Variants in ANO10 observed in about 807,000 individuals in gnomAD.
ANO10 encodes the protein anoctamin-10.
A neutral mutation model predicts 74.7 loss-of-function variants in ANO10; 77 were observed. That is an observed-to-expected ratio of 1.03 (90% CI 0.86 to 1.25). The LOEUF (loss-of-function observed/expected upper bound fraction) is 1.25. Among genes scored for constraint, ANO10 ranks in the 50% most tolerant of loss-of-function variants. The pLI, the probability that ANO10 is intolerant of heterozygous loss-of-function variation, is 0.00. For missense variants in ANO10, 721 were observed against 778.1 expected (o/e 0.93, Z 0.87); for synonymous variants, 279 against 284.9 (o/e 0.98, Z 0.21).
intron 10 of ANO10, among the ~76,000 whole-genome samples, chr3:43,552,373 C>A (rs904195151): frequency 6.6e-6 from 1 of 151,454 alleles, no homozygotes; most frequent in East Asian, 1.9e-4. Flanking sequence ...GGAGCCCATG[C>A]CTACAAAAAA....
chr3:43,469,002 G>A (rs142365936), intron 11 of ANO10, among the ~76,000 whole-genome samples: 7 of 145,212 alleles, frequency 4.8e-5, no homozygotes, highest in Non-Finnish European at 7.5e-5. Context: ...GAGCCACCAC[G>A]CCTGGCTGGA....
At chr3:43,498,922 T>C (rs899088714) in intron 11 of ANO10, among the ~76,000 whole-genome samples, 8 of 152,210 alleles carry the variant, frequency 5.3e-5, no homozygotes, top group Non-Finnish European at 1.0e-4. Flanking sequence ...CATTGTCAAA[T>C]GGTTCTGCAA....
chr3:43,544,512 G>T (rs2079092119), intron 11 of ANO10, among the ~76,000 whole-genome samples: 2 of 152,144 alleles, frequency 1.3e-5, no homozygotes, highest in South Asian at 2.1e-4. Context: ...AAGAATCAGG[G>T]CTGGGTATGG....
At chr3:43,383,758 G>A (rs1269107482) in intron 12 of ANO10, among the ~76,000 whole-genome samples, 1 of 152,086 alleles carries the variant, frequency 6.6e-6, no homozygotes, top group Non-Finnish European at 1.5e-5. Flanking sequence ...AGCAAAATCA[G>A]CATAGAAGGG....
chr3:43,406,014 GA>G (rs923321457), intron 12 of ANO10, among the ~76,000 whole-genome samples: 1 of 152,044 alleles, frequency 6.6e-6, no homozygotes, highest in African/African-American at 2.4e-5. Context: ...AAAGGAAGGG[GA>G]AAAAAAGGAA....
intron 11 of ANO10, among the ~76,000 whole-genome samples, chr3:43,464,757 T>G (rs1218576824): frequency 6.6e-6 from 1 of 152,164 alleles, no homozygotes; most frequent in Non-Finnish European, 1.5e-5. Flanking sequence ...AGAAGAACAA[T>G]GATCCATCAT....
intron 1 of ANO10, among the ~76,000 whole-genome samples, chr3:43,662,029 T>C (rs913197741): frequency 1.3e-5 from 2 of 152,084 alleles, no homozygotes; most frequent in African/African-American, 2.4e-5. Context: ...TATCCAGGAC[T>C]TCAACTCAGA....
At chr3:43,544,630 T>C (rs949993443) in intron 11 of ANO10, among the ~76,000 whole-genome samples, 2 of 151,762 alleles carry the variant, frequency 1.3e-5, no homozygotes, top group Non-Finnish European at 2.9e-5. Context: ...CCGTCTCTAC[T>C]AAAAATACAA....
chr3:43,562,753 T>A (rs145202421), intron 8 of ANO10, among the ~76,000 whole-genome samples: 25 of 151,430 alleles, frequency 1.7e-4, no homozygotes, highest in African/African-American at 6.0e-4. Flanking sequence ...AAACCAGGTA[T>A]CTATATGCAG....
chr3:43,627,275 G>A (rs1432298518), intron 1 of ANO10, among the ~76,000 whole-genome samples: 1 of 152,248 alleles, frequency 6.6e-6, no homozygotes, highest in Non-Finnish European at 1.5e-5. Flanking sequence ...ATTTAATAAA[G>A]AGAACTAAGT....
intron 11 of ANO10, among the ~76,000 whole-genome samples, chr3:43,505,846 T>C (rs903434140): frequency 4.6e-5 from 7 of 152,232 alleles, no homozygotes; most frequent in East Asian, 1.9e-4. Flanking sequence ...ATTATGAGTA[T>C]GTATAATAGG....
intron 1 of ANO10, among the ~76,000 whole-genome samples, chr3:43,640,515 A>G (rs968340531): frequency 5.3e-5 from 8 of 152,302 alleles, no homozygotes; most frequent in Middle Eastern, 3.4e-3. Context: ...GGAATCATGC[A>G]AACTGGAACC....
intron 1 of ANO10, among the ~76,000 whole-genome samples, chr3:43,644,185 G>A (rs2083703654): frequency 6.6e-6 from 1 of 152,046 alleles, no homozygotes; most frequent in Non-Finnish European, 1.5e-5. Flanking sequence ...CTCCTTGATT[G>A]CACATTGTAT....
At chr3:43,615,774 C>G (rs542888072) in intron 1 of ANO10, among the ~76,000 whole-genome samples, 1 of 152,018 alleles carries the variant, frequency 6.6e-6, no homozygotes, top group African/African-American at 2.4e-5. Context: ...CTGCCTCAGC[C>G]TCCCGAGTAG....
At chr3:43,368,936 G>A (rs1243916004) in intron 12 of ANO10, among the ~76,000 whole-genome samples, 2 of 152,336 alleles carry the variant, frequency 1.3e-5, no homozygotes, top group South Asian at 2.1e-4. Context: ...CATTCCACAT[G>A]GGGAAGAAAA....
chr3:43,460,802 C>G (rs1010944503), intron 11 of ANO10, among the ~76,000 whole-genome samples: 1 of 151,824 alleles, frequency 6.6e-6, no homozygotes, highest in Non-Finnish European at 1.5e-5. Flanking sequence ...AAAAAAAGGA[C>G]AGCAGCCTCA....
At chr3:43,546,480 C>T (rs2079195151) in intron 11 of ANO10, among the ~76,000 whole-genome samples, 1 of 152,110 alleles carries the variant, frequency 6.6e-6, no homozygotes. Context: ...TTTGCATATA[C>T]AGTCAAATGA....
At chr3:43,655,048 ACT>A (rs1379868385) in intron 1 of ANO10, among the ~76,000 whole-genome samples, 3 of 152,142 alleles carry the variant, frequency 2.0e-5, no homozygotes, top group Admixed American at 2.0e-4. Flanking sequence ...ACTCTGTAAT[ACT>A]CTCTTTAAAT....
rs751112898 is a variant in ANO10, at chr3:43,366,870, G to A, written c.*36C>T. 1.9e-6 allele frequency: 3 copies of A among 1,554,742 alleles called. No homozygotes were observed. The highest frequency in any genetic ancestry group is 1.9e-5 in the Admixed American group (1 of 51,938). On this transcript the variant is annotated 3_prime_UTR_variant, in exon 13 of 13. Transcript: ENST00000292246. Reference sequence around the variant, plus strand: ...CGTGGCAGGTGTGGCACAGACACAGGCCTCTGCCAACAGGGCAGCTGGGCA... The same window carrying A: ...CGTGGCAGGTGTGGCACAGACACAGACCTCTGCCAACAGGGCAGCTGGGCA...
Sources: allele counts gnomAD v4.1 joint callset (sites outside exome capture counted in the v4.1 genomes callset), GRCh38; gene constraint gnomAD v4.1.1; transcripts MANE v1.5; gene names NCBI Gene and HGNC (gene_info 2026-07-23, HGNC 2026-07-21).